Variants in RNF141 observed in about 807,000 individuals in gnomAD.
RNF141 encodes the protein ring finger protein 141.
Under a neutral mutation model 27.4 loss-of-function variants are expected in RNF141, and 18 were observed. That is an observed-to-expected ratio of 0.66 (90% confidence interval 0.45 to 0.97). The LOEUF (loss-of-function observed/expected upper bound fraction) is 0.97. Ranked by LOEUF, RNF141 falls within the 50% of genes least tolerant of loss-of-function variation. The pLI, the probability that RNF141 is intolerant of heterozygous loss-of-function variation, is 0.00. For missense variants in RNF141, 230 were observed against 279.4 expected (o/e 0.82, Z 1.26); for synonymous variants, 97 against 96.6 (o/e 1.00, Z -0.02).
chr11:10,537,596 C>A (rs1850049442), intron 1 of RNF141, among the ~76,000 whole-genome samples: 1 of 151,986 alleles, frequency 6.6e-6, no homozygotes, highest in Non-Finnish European at 1.5e-5. Flanking sequence ...GACAGATTAA[C>A]AGGAGAAAAA....
intron 1 of RNF141, among the ~76,000 whole-genome samples, chr11:10,539,191 A>G (rs1850063326): frequency 6.6e-6 from 1 of 152,230 alleles, no homozygotes; most frequent in African/African-American, 2.4e-5. Context: ...AATATTCCTT[A>G]TAAAAATATT....
At chr11:10,535,874 ACAT>A (rs1203668928) in intron 1 of RNF141, among the ~76,000 whole-genome samples, 4 of 152,212 alleles carry the variant, frequency 2.6e-5, no homozygotes, top group African/African-American at 7.2e-5. Flanking sequence ...ACTTATGAAA[ACAT>A]CATCAGAAGC....
chr11:10,524,574 G>A (rs1383286680), intron 4 of RNF141, among the ~76,000 whole-genome samples: 3 of 152,316 alleles, frequency 2.0e-5, no homozygotes, highest in South Asian at 2.1e-4. Context: ...TTATGATCAT[G>A]ATTGTCAAAT....
At chr11:10,528,640 A>G (rs1350602120) in intron 3 of RNF141, among the ~76,000 whole-genome samples, 1 of 152,200 alleles carries the variant, frequency 6.6e-6, no homozygotes, top group Non-Finnish European at 1.5e-5. Context: ...TGAGTACTTT[A>G]TGAAATAAAA....
At chr11:10,523,920 A>C (rs1401730090) in intron 4 of RNF141, among the ~76,000 whole-genome samples, 1 of 152,234 alleles carries the variant, frequency 6.6e-6, no homozygotes, top group Admixed American at 6.5e-5. Flanking sequence ...AGACAAGCCT[A>C]AACACTGCCT....
In RNF141 at chr11:10,525,087, A is replaced by AG. The variant is rs1667989981; in HGVS notation, c.434+104_434+105insC. On this transcript the variant is annotated intron_variant, in intron 4 of 5. Coordinates refer to ENST00000265981, the MANE Select transcript of RNF141 (RefSeq NM_016422.4). ...CAGATACAATACCAACTGAGAAAAA[A>AG]AAAAGATTTAAGATGCTACAATGAG... 3.4e-6 allele frequency: 3 copies of AG among 893,336 alleles called. No homozygotes were observed. In the Admixed American group the frequency reaches 8.8e-5, roughly 26 times the overall value. The allele number at this position is 893,336 out of a possible 1,614,324, so 55.3% of individuals were successfully genotyped here.
intron 3 of RNF141, among the ~76,000 whole-genome samples, chr11:10,530,026 G>T (rs1054695668): frequency 6.6e-6 from 1 of 152,142 alleles, no homozygotes; most frequent in African/African-American, 2.4e-5. Context: ...GCATATGGAT[G>T]ATTTTGTTCT....
chr11:10,525,032 C>T (rs924534863), intron 4 of RNF141, among the ~76,000 whole-genome samples, 160 bp downstream of exon 4: 4 of 150,840 alleles, frequency 2.7e-5, no homozygotes, highest in Non-Finnish European at 2.9e-5. Flanking sequence ...TAACAACATC[C>T]GAAGCACAGA....
At chr11:10,531,742 A>G (rs1423467187) in intron 2 of RNF141, 1 of 191,962 alleles carries the variant, frequency 5.2e-6, no homozygotes, top group Non-Finnish European at 1.1e-5. Flanking sequence ...TATCATTACT[A>G]ACAACTCTCT....
rs777972695 is a variant in RNF141 at position 10,512,632 on chromosome 11, T to A, written c.*2284A>T. 1 of 152,342 alleles carries A rather than the reference T, an allele frequency of 6.6e-6. No individual in the cohort carries two copies. The highest frequency in any genetic ancestry group is 1.9e-4 in the East Asian group (1 of 5,188). The allele number at this position is 152,342 out of a possible 1,614,324, so 9.4% of individuals were successfully genotyped here. On this transcript the variant is annotated 3_prime_UTR_variant, in exon 6 of 6. Transcript: ENST00000265981. ...CAGCAAGTCTAATCTAAAAGGACAA[T>A]TTAAAATCTTAGAGCTGGAAAAGAT... is the stretch of plus-strand genomic sequence containing the variant.
chr11:10,532,271 T>A (rs1849993565), intron 2 of RNF141, among the ~76,000 whole-genome samples: 1 of 152,180 alleles, frequency 6.6e-6, no homozygotes, highest in Non-Finnish European at 1.5e-5. Flanking sequence ...ATCCTATTTT[T>A]AAAATTCTTT....
chr11:10,516,329 C>T (rs1849842527), intron 5 of RNF141: 1 of 152,198 alleles, frequency 6.6e-6, no homozygotes, highest in Admixed American at 6.5e-5. Context: ...AAATAAAGCA[C>T]TGGCCATCAG....
At chr11:10,523,893 A>G (rs1326790769) in intron 4 of RNF141, among the ~76,000 whole-genome samples, 1 of 152,264 alleles carries the variant, frequency 6.6e-6, no homozygotes, top group East Asian at 1.9e-4. Context: ...TCTTTGAAAG[A>G]TTACAGAATA....
At chr11:10,517,678 T>A (rs1424409852) in intron 5 of RNF141, 1 of 152,032 alleles carries the variant, frequency 6.6e-6, no homozygotes, top group African/African-American at 2.4e-5. Flanking sequence ...TTAGAAACAA[T>A]GCAAACAAGA....
At chr11:10,527,716 GTTGTTGTGCTTGGAATAGACTGC>G (rs1849950163) in intron 3 of RNF141, among the ~76,000 whole-genome samples, 1 of 151,770 alleles carries the variant, frequency 6.6e-6, no homozygotes, top group Non-Finnish European at 1.5e-5. Flanking sequence ...GAATAGGCTG[GTTGTTGTGCTTGGAATAGACTGC>G]TTGTTGTGCT....
Position 10,519,083 on chromosome 11 carries a change from G to C in RNF141, c.493C>G (p.Leu165Val). 1.2e-6 allele frequency: 2 copies of C among 1,613,990 alleles called. No individual in the cohort carries two copies. Among genetic ancestry groups the C allele is most frequent in the Non-Finnish European group, 1.7e-6 (2 of 1,179,954 alleles). Residue 165 changes from leucine (L) to valine (V), a missense_variant, in exon 5 of 6, where the codon CTC (leucine) becomes GTC (valine). By Grantham distance (32) the Leu-to-Val change is conservative. Coordinates refer to ENST00000265981, the MANE Select transcript of RNF141 (RefSeq NM_016422.4). ...AAGCTGTGAGCACAAGGCAGGATGA[G>C]GTCAGCCCGCCCATCCATACAGATA... ...CCICMDGRAD[L>V]ILPCAHSFCQ...
intron 4 of RNF141, among the ~76,000 whole-genome samples, chr11:10,521,464 A>G (rs1403011382): frequency 1.3e-5 from 2 of 152,236 alleles, no homozygotes; most frequent in African/African-American, 4.8e-5. Flanking sequence ...TTGTAATAAT[A>G]TAAAAACTGA....
rs571112745 is a variant in RNF141, at chr11:10,525,173, A to G, written c.434+19T>C. The G allele has an allele frequency of 4.5e-5, 68 of 1,517,516 alleles. No homozygotes were observed. The South Asian group carries it at 7.6e-4, about 17-fold the overall frequency. The allele number at this position is 1,517,516 out of a possible 1,614,324, so 94.0% of individuals were successfully genotyped here. On this transcript the variant is annotated intron_variant, in intron 4 of 5. Coordinates refer to ENST00000265981, the MANE Select transcript of RNF141 (RefSeq NM_016422.4). ...CATATTAGAAAATAAGTGAAATACA[A>G]TACTTATGCATTATATACCTTCCCA...
At chr11:10,519,250 G>T in intron 4 of RNF141, 109 bp from the exon 5 acceptor site, 2 of 822,496 alleles carry the variant, frequency 2.4e-6, no homozygotes, top group Non-Finnish European at 3.8e-6. Context: ...ACAGTATAAA[G>T]CACAATATGA....
Sources: gnomAD v4.1 joint callset for allele counts (sites outside exome capture counted in the v4.1 genomes callset) on GRCh38, gnomAD v4.1.1 for gene constraint, MANE v1.5 for transcripts, NCBI Gene and HGNC (gene_info 2026-07-23, HGNC 2026-07-21) for gene names.